The following RNF17 variants were observed in gnomAD, a reference collection of about 807,000 sequenced individuals.
The protein encoded by RNF17 is spermatogenesis associated 23.
A neutral mutation model predicts 200.5 loss-of-function variants in RNF17; 31 were observed. The ratio of observed to expected loss-of-function variants is 0.15; its 90% CI spans 0.12 to 0.21. The LOEUF (loss-of-function observed/expected upper bound fraction) is 0.21, where lower values mean the gene tolerates loss of function less well. RNF17 is among the 10% of genes least tolerant of loss of function. The pLI is 1.00. For missense variants in RNF17, 1,628 were observed against 1,905.1 expected (o/e 0.85, Z 2.71); for synonymous variants, 606 against 637.8 (o/e 0.95, Z 0.75).
downstream of RNF17, among the ~76,000 whole-genome samples, chr13:24,880,544 T>C (rs559608984): frequency 6.6e-6 from 1 of 152,324 alleles, no homozygotes; most frequent in East Asian, 1.9e-4. Flanking sequence ...TGTCACACAA[T>C]TTTTATTTTC....
At chr13:24,820,064 G>A (rs1593338600) in intron 15 of RNF17, among the ~76,000 whole-genome samples, 2 of 149,890 alleles carry the variant, frequency 1.3e-5, no homozygotes, top group Admixed American at 1.3e-4. Context: ...ATATATCTCT[G>A]TCTTCCCATT....
chr13:24,796,038 C>A, intron 10 of RNF17, 99 bp from the exon 11 acceptor site: 1 of 849,096 alleles, frequency 1.2e-6, no homozygotes, highest in South Asian at 2.3e-5. Context: ...GTTCACAATG[C>A]CATAAGACAC....
intron 26 of RNF17, among the ~76,000 whole-genome samples, chr13:24,860,770 AG>A (rs1893010202): frequency 6.6e-6 from 1 of 152,228 alleles, no homozygotes. Flanking sequence ...GTTAAGTGTA[AG>A]AAAACCTTTT....
chr13:24,825,532 A>C, intron 15 of RNF17, 87 bp from the exon 16 acceptor site: 1 of 867,818 alleles, frequency 1.2e-6, no homozygotes, highest in Non-Finnish European at 1.8e-6. Context: ...AATGTTTCAT[A>C]ATTTCAATGA....
chr13:24,870,499 T>G, intron 31 of RNF17, 72 bp from the exon 32 acceptor site: 1 of 1,364,876 alleles, frequency 7.3e-7, no homozygotes, highest in South Asian at 1.3e-5. Flanking sequence ...TCTGCTACAG[T>G]AATTTTGTCC....
intron 16 of RNF17, among the ~76,000 whole-genome samples, chr13:24,826,665 C>T (rs1346073108): frequency 6.6e-6 from 1 of 151,884 alleles, no homozygotes; most frequent in Non-Finnish European, 1.5e-5. Flanking sequence ...CCCAGCTATT[C>T]AGGAGGCTGA....
chr13:24,755,592 G>A, the RNF17 span, among the ~76,000 whole-genome samples: 1 of 152,080 alleles, frequency 6.6e-6, no homozygotes, highest in Admixed American at 6.5e-5. Context: ...AAATTCACCC[G>A]GATAGAGTTT....
rs1288943579 is a variant in RNF17 at position 24,879,842 on chromosome 13, C to T, written c.*116C>T. 1 of 152,202 alleles carries T rather than the reference C, an allele frequency of 6.6e-6. No homozygotes were observed. Among genetic ancestry groups the T allele is most frequent in the East Asian group, 1.9e-4 (1 of 5,196 alleles). The allele number at this position is 152,202 out of a possible 1,614,324, so 9.4% of individuals were successfully genotyped here. A position where few individuals can be genotyped will look rare whatever the true frequency, so the allele number is the denominator to read the frequency against. On this transcript the variant is annotated 3_prime_UTR_variant, in exon 36 of 36. Coordinates refer to ENST00000255324, the MANE Select transcript of RNF17 (RefSeq NM_031277.3). ...CTTAATTTTCCTAACTTGTTCAGCA[C>T]TAGTGCTTTACCTCTCATTTTTAAT...
chr13:24,832,989 T>A (rs1254017699), intron 18 of RNF17, among the ~76,000 whole-genome samples: 1 of 152,140 alleles, frequency 6.6e-6, no homozygotes, highest in Non-Finnish European at 1.5e-5. Flanking sequence ...CAAGCGATCC[T>A]CCCTCCTCGG....
chr13:24,882,001 T>TATAGATATATAGATACATCTAG (rs1953861611), downstream of RNF17, among the ~76,000 whole-genome samples: 1 of 18,008 alleles, frequency 5.6e-5, no homozygotes, highest in African/African-American at 1.3e-4. Flanking sequence ...GATACATCTA[T>TATAGATATATAGATACATCTAG]ATAGATATAT....
chr13:24,886,188 A>G, the RNF17 span: 1 of 599,154 alleles, frequency 1.7e-6, no homozygotes, highest in Non-Finnish European at 2.8e-6. Context: ...CTGAAGTGCC[A>G]GTATTTTCAT....
intron 25 of RNF17, among the ~76,000 whole-genome samples, chr13:24,858,622 G>A (rs2138290027): frequency 6.8e-6 from 1 of 146,772 alleles, no homozygotes; most frequent in South Asian, 2.2e-4. Flanking sequence ...GGGCCAATTA[G>A]CAATAAAAGC....
downstream of RNF17, among the ~76,000 whole-genome samples, chr13:24,881,515 A>G (rs1953812881): frequency 6.6e-6 from 1 of 151,988 alleles, no homozygotes; most frequent in South Asian, 2.1e-4. Context: ...ATATCTCTAG[A>G]ATATATCATC....
intron 15 of RNF17, among the ~76,000 whole-genome samples, chr13:24,812,685 T>C (rs9511460): frequency 0.69 from 29,465 of 42,998 alleles, 9,409 homozygotes; most frequent in South Asian, 0.83. Context: ...CCCCACCCCC[T>C]TTTTTTTTTT....
chr13:24,794,041 C>G (rs1884226347), intron 10 of RNF17: 1 of 354,764 alleles, frequency 2.8e-6, no homozygotes, highest in Non-Finnish European at 5.5e-6. Context: ...TTCATTGATA[C>G]AAGGGATGTT....
At chr13:24,752,688 C>T in the RNF17 span, among the ~76,000 whole-genome samples, 1 of 152,238 alleles carries the variant, frequency 6.6e-6, no homozygotes, top group Non-Finnish European at 1.5e-5. Flanking sequence ...TGGATGGAAG[C>T]CGCTGATCTG....
intron 25 of RNF17, among the ~76,000 whole-genome samples, chr13:24,857,176 G>A (rs1041483026): frequency 3.3e-5 from 5 of 152,156 alleles, no homozygotes; most frequent in African/African-American, 1.2e-4. Context: ...ATATGATGAA[G>A]TAGTTGGGTT....
At chr13:24,877,545 CTT>C (rs1894987557) in intron 34 of RNF17, among the ~76,000 whole-genome samples, 1 of 152,054 alleles carries the variant, frequency 6.6e-6, no homozygotes, top group African/African-American at 2.4e-5. Context: ...CTATAGCTAA[CTT>C]TGTGGGTGGG....
At chr13:24,822,641 G>T (rs748699972) in intron 15 of RNF17, among the ~76,000 whole-genome samples, 1 of 152,090 alleles carries the variant, frequency 6.6e-6, no homozygotes, top group Non-Finnish European at 1.5e-5. Context: ...GGCTGGTCTC[G>T]AACTTCTGAC....
Sources: gnomAD v4.1 joint callset for allele counts (sites outside exome capture counted in the v4.1 genomes callset) on GRCh38, gnomAD v4.1.1 for gene constraint, MANE v1.5 for transcripts, NCBI Gene and HGNC (gene_info 2026-07-23, HGNC 2026-07-21) for gene names.